Variants in MELK observed in about 807,000 individuals in gnomAD.
MELK encodes maternal embryonic leucine zipper kinase.
A neutral mutation model predicts 85.0 loss-of-function variants in MELK; 81 were observed. That is an observed-to-expected ratio of 0.95 (90% CI 0.80 to 1.15). The LOEUF is 1.15. Ranked by LOEUF, MELK falls within the 50% of genes most tolerant of loss-of-function variation. The pLI is 0.00. For synonymous variants in MELK, 252 were observed against 265.0 expected (o/e 0.95, Z 0.48); for missense variants, 754 against 777.5 (o/e 0.97, Z 0.36).
At chr9:36,595,159 G>A (rs1218939889) in intron 5 of MELK, among the ~76,000 whole-genome samples, 1 of 151,240 alleles carries the variant, frequency 6.6e-6, no homozygotes, top group East Asian at 2.0e-4. Flanking sequence ...TTTTGGAGAC[G>A]GAGTCTCACT....
chr9:36,658,172 G>T (rs1831439907), intron 13 of MELK, among the ~76,000 whole-genome samples: 1 of 151,648 alleles, frequency 6.6e-6, no homozygotes, highest in Admixed American at 6.6e-5. Flanking sequence ...GATTAATGAA[G>T]ATTAAGTATA....
At chr9:36,645,503 A>G (rs1056350685) in intron 11 of MELK, among the ~76,000 whole-genome samples, 1 of 152,150 alleles carries the variant, frequency 6.6e-6, no homozygotes, top group Non-Finnish European at 1.5e-5. Flanking sequence ...ACCAACATCA[A>G]GAATGTAGTG....
intron 10 of MELK, among the ~76,000 whole-genome samples, chr9:36,639,859 T>C (rs2065604): frequency 0.23 from 34,451 of 152,032 alleles, 6,350 homozygotes; most frequent in African/African-American, 0.51. Context: ...GTTAAAAAAA[T>C]ATTTTTTTTT....
chr9:36,677,509 G>T lies in MELK; in HGVS notation c.*172G>T. The T allele has an allele frequency of 1.8e-6, 1 of 541,568 alleles. No individual in the cohort carries two copies. Among genetic ancestry groups the T allele is most frequent in the East Asian group, 3.2e-5 (1 of 31,162 alleles). 33.5% of individuals were successfully genotyped at this position (541,568 alleles called of 1,614,324 possible). ...AAACAAAAGATATTATTTTGTGTAT[G>T]AATCTAAATCAAGCCCATCTGTCAT... On this transcript the variant is annotated 3_prime_UTR_variant, in exon 18 of 18. Coordinates refer to ENST00000298048, the MANE Select transcript of MELK (RefSeq NM_014791.4).
intron 8 of MELK, among the ~76,000 whole-genome samples, chr9:36,608,019 G>A (rs936482024): frequency 9.2e-5 from 14 of 152,060 alleles, no homozygotes; most frequent in Admixed American, 3.3e-4. Flanking sequence ...GGTGGCTCAC[G>A]CCTGTAATCC....
chr9:36,636,851 C>T (rs998948258), intron 10 of MELK, among the ~76,000 whole-genome samples: 1 of 147,756 alleles, frequency 6.8e-6, no homozygotes, highest in Non-Finnish European at 1.5e-5. Flanking sequence ...TCTTTCTTGT[C>T]TTTCTTACCG....
At chr9:36,636,727 G>GATTT (rs1431630520) in intron 10 of MELK, among the ~76,000 whole-genome samples, 42 of 83,572 alleles carry the variant, frequency 5.0e-4, no homozygotes, top group African/African-American at 1.5e-3. Flanking sequence ...GTAGCAACTG[G>GATTT]ATTTCTTTCT....
chr9:36,653,489 G>A (rs1830915084), intron 12 of MELK, among the ~76,000 whole-genome samples: 1 of 152,152 alleles, frequency 6.6e-6, no homozygotes, highest in African/African-American at 2.4e-5. Flanking sequence ...CATACATAGA[G>A]GCACCATGTC....
chr9:36,630,200 G>A, intron 8 of MELK, 99 bp from the exon 9 acceptor site: 1 of 869,640 alleles, frequency 1.1e-6, no homozygotes, highest in Non-Finnish European at 1.9e-6. Context: ...GTTGGGTGAA[G>A]TCTTCAAGCT....
chr9:36,661,662 C>T (rs185908319), intron 13 of MELK, among the ~76,000 whole-genome samples: 231 of 152,162 alleles, frequency 1.5e-3, no homozygotes, highest in South Asian at 6.2e-3. Context: ...CTAGGCCGGG[C>T]GCGGTGGCTC....
At chr9:36,650,674 T>G (rs1830624111) in intron 11 of MELK, among the ~76,000 whole-genome samples, 1 of 152,244 alleles carries the variant, frequency 6.6e-6, no homozygotes, top group African/African-American at 2.4e-5. Context: ...AGGAAGTCAC[T>G]GGAGGATGTG....
chr9:36,617,044 A>C (rs181571114), intron 8 of MELK, among the ~76,000 whole-genome samples: 14 of 152,302 alleles, frequency 9.2e-5, no homozygotes, highest in African/African-American at 3.4e-4. Flanking sequence ...ATTTCCAAGT[A>C]GTCATTTGTA....
At chr9:36,659,949 G>A (rs112883191) in intron 13 of MELK, among the ~76,000 whole-genome samples, 5,378 of 152,142 alleles carry the variant, frequency 0.035, 305 homozygotes, top group African/African-American at 0.12. Flanking sequence ...ACAGGCATGC[G>A]CCACCACACC....
intron 3 of MELK, among the ~76,000 whole-genome samples, chr9:36,587,784 T>A (rs113046429): frequency 0.014 from 2,136 of 151,090 alleles, 46 homozygotes; most frequent in African/African-American, 0.05. Flanking sequence ...TTTTTTTTTT[T>A]AATTTTTTCG....
chr9:36,601,840 G>C (rs1169780155), intron 7 of MELK, among the ~76,000 whole-genome samples: 1 of 152,084 alleles, frequency 6.6e-6, no homozygotes, highest in African/African-American at 2.4e-5. Flanking sequence ...TTTTGTGACT[G>C]GTTATTTCAC....
intron 12 of MELK, among the ~76,000 whole-genome samples, chr9:36,655,228 G>A (rs1449443200): frequency 1.3e-5 from 2 of 152,256 alleles, no homozygotes; most frequent in Non-Finnish European, 1.5e-5. Context: ...GATGATGGGG[G>A]CCAGAGAAGT....
At chr9:36,630,212 A>T in intron 8 of MELK, 87 bp from the exon 9 acceptor site, 2 of 994,930 alleles carry the variant, frequency 2.0e-6, no homozygotes, top group Non-Finnish European at 3.1e-6. Flanking sequence ...CTTCAAGCTT[A>T]AAAGTAAACC....
intron 14 of MELK, 26 bp from the exon 15 acceptor site, chr9:36,669,284 G>T (rs373382972): frequency 1.4e-5 from 20 of 1,476,184 alleles, no homozygotes; most frequent in Non-Finnish European, 1.7e-5. Context: ...GCTGCATATG[G>T]ATTGTGTTTG....
chr9:36,661,124 C>T (rs1282439278), intron 13 of MELK, among the ~76,000 whole-genome samples: 1 of 152,208 alleles, frequency 6.6e-6, no homozygotes, highest in Non-Finnish European at 1.5e-5. Context: ...GTTCTGCCCC[C>T]TCCAGCGGCT....
Sources: allele counts gnomAD v4.1 joint callset (sites outside exome capture counted in the v4.1 genomes callset), GRCh38; gene constraint gnomAD v4.1.1; transcripts MANE v1.5; gene names NCBI Gene and HGNC (gene_info 2026-07-23, HGNC 2026-07-21).